The following RYR2 variants were observed in gnomAD, a reference collection of about 807,000 sequenced individuals.
The protein encoded by RYR2 is ryanodine receptor 2, also known as cardiac muscle ryanodine receptor-calcium release channel.
Under a neutral mutation model 601.1 loss-of-function variants are expected in RYR2, and 227 were observed. That is an observed-to-expected ratio of 0.38 (90% CI 0.34 to 0.42). The LOEUF is 0.42. Ranked by LOEUF, RYR2 falls within the 10% of genes least tolerant of loss-of-function variation. The pLI is 1.00. For synonymous variants in RYR2, 2,223 were observed against 2,175.1 expected (o/e 1.02, Z -0.61); for missense variants, 4,646 against 6,156.5 (o/e 0.75, Z 8.21).
intron 1 of RYR2, among the ~76,000 whole-genome samples, chr1:237,211,233 C>T (rs1682539778): frequency 6.6e-6 from 1 of 152,176 alleles, no homozygotes; most frequent in South Asian, 2.1e-4. Flanking sequence ...TCAAGTACAG[C>T]CCCATTCCAT....
intron 16 of RYR2, among the ~76,000 whole-genome samples, chr1:237,464,674 A>G (rs1274339938): frequency 9.2e-5 from 14 of 152,178 alleles, no homozygotes. Flanking sequence ...TAAAAAACAC[A>G]GTTTTCTCCA....
chr1:237,164,199 A>G (rs1352316374), intron 1 of RYR2, among the ~76,000 whole-genome samples: 3 of 152,216 alleles, frequency 2.0e-5, no homozygotes, highest in African/African-American at 7.2e-5. Context: ...AGGCGAGAGA[A>G]TCGCTTGAAA....
chr1:237,367,111 C>T lies in RYR2; in HGVS notation c.310-2423C>T, dbSNP rs553355959. On this transcript the variant is annotated intron_variant, in intron 5 of 104. Transcript: ENST00000366574. ...TTGTTTTTTTGTTTGTTTTTGTTTTCGAGATAGAATCTCGCTCTGTTGCCC... is the reference window on the plus strand; with the variant it reads ...TTGTTTTTTTGTTTGTTTTTGTTTTTGAGATAGAATCTCGCTCTGTTGCCC... Among the ~76,000 whole-genome samples the T allele has an allele frequency of 3.5e-3, 518 of 148,256 alleles. 3 individuals are homozygous for T. Among genetic ancestry groups the T allele is most frequent in the Non-Finnish European group, 5.6e-3 (376 of 66,736 alleles).
At chr1:237,145,222 TAAA>T (rs544342353) in intron 1 of RYR2, among the ~76,000 whole-genome samples, 1 of 139,234 alleles carries the variant, frequency 7.2e-6, no homozygotes, top group Non-Finnish European at 1.6e-5. Flanking sequence ...AGTATAATAA[TAAA>T]AAAAAAAAGA....
chr1:237,118,579 A>G (rs1407708648), intron 1 of RYR2, among the ~76,000 whole-genome samples: 1 of 151,682 alleles, frequency 6.6e-6, no homozygotes, highest in Non-Finnish European at 1.5e-5. Context: ...GAAAATAGGG[A>G]GTTATTGTTT....
chr1:237,429,702 A>G (rs1336088215), intron 12 of RYR2, among the ~76,000 whole-genome samples: 1 of 152,208 alleles, frequency 6.6e-6, no homozygotes, highest in African/African-American at 2.4e-5. Flanking sequence ...TGGAAATGCA[A>G]AAAGGGAAAA....
intron 1 of RYR2, among the ~76,000 whole-genome samples, chr1:237,265,335 T>G (rs1003339918): frequency 1.3e-5 from 2 of 152,080 alleles, no homozygotes; most frequent in Non-Finnish European, 2.9e-5. Flanking sequence ...TGTTTGTTTG[T>G]TTTTTGAGCG....
At chr1:237,211,297 T>G (rs1226031446) in intron 1 of RYR2, among the ~76,000 whole-genome samples, 1 of 152,206 alleles carries the variant, frequency 6.6e-6, no homozygotes, top group East Asian at 1.9e-4. Flanking sequence ...GATTTGACTA[T>G]ATGTGTACAA....
At chr1:237,319,206 A>G (rs1018711943) in intron 2 of RYR2, among the ~76,000 whole-genome samples, 1 of 151,900 alleles carries the variant, frequency 6.6e-6, no homozygotes, top group Non-Finnish European at 1.5e-5. Context: ...TTGTTTCCAT[A>G]CTTTAATTTT....
chr1:237,677,073 A>G (rs941825056), intron 60 of RYR2, among the ~76,000 whole-genome samples: 4 of 152,154 alleles, frequency 2.6e-5, no homozygotes, highest in Non-Finnish European at 5.9e-5. Context: ...GCATTCTGAT[A>G]TTGCAAAATA....
At chr1:237,392,679 A>G (rs1274136231) in intron 10 of RYR2, among the ~76,000 whole-genome samples, 3 of 152,288 alleles carry the variant, frequency 2.0e-5, no homozygotes, top group East Asian at 3.9e-4. Flanking sequence ...AGACTTATTT[A>G]TGGATTTGAT....
rs370627742 is a variant in RYR2, at chr1:237,235,427, G to C, written c.49-35070G>C. On this transcript the variant is annotated intron_variant, in intron 1 of 104. Coordinates refer to ENST00000366574, the MANE Select transcript of RYR2 (RefSeq NM_001035.3). Reference sequence around the variant, plus strand: ...CTTCTGATCTTGGCATTACCAATCAGCTTCTTTGTCTTGGTTAGTTTTATG... The same window carrying C: ...CTTCTGATCTTGGCATTACCAATCACCTTCTTTGTCTTGGTTAGTTTTATG... Among the ~76,000 whole-genome samples, 17 of 152,304 alleles carry C rather than the reference G, an allele frequency of 1.1e-4. No homozygotes were observed. In the East Asian group the frequency reaches 1.7e-3, roughly 16 times the overall value.
chr1:237,108,902 T>C (rs1669094048), intron 1 of RYR2, among the ~76,000 whole-genome samples: 1 of 152,184 alleles, frequency 6.6e-6, no homozygotes, highest in South Asian at 2.1e-4. Flanking sequence ...AGCAGCTGGG[T>C]GTGTGATTAG....
At chr1:237,114,665 T>A (rs1323798357) in intron 1 of RYR2, among the ~76,000 whole-genome samples, 2 of 152,128 alleles carry the variant, frequency 1.3e-5, no homozygotes, top group African/African-American at 4.8e-5. Flanking sequence ...AAATTTAATT[T>A]AGGAAAATAA....
chr1:237,056,461 A>G (rs1662084122), intron 1 of RYR2, among the ~76,000 whole-genome samples: 1 of 139,680 alleles, frequency 7.2e-6, no homozygotes, highest in East Asian at 2.2e-4. Context: ...GGACTGGAGC[A>G]CTGCACCTGT....
chr1:237,757,882 C>A, intron 82 of RYR2, 106 bp downstream of exon 82: 1 of 699,692 alleles, frequency 1.4e-6, no homozygotes, highest in Non-Finnish European at 2.4e-6. Flanking sequence ...CAATATGGCT[C>A]AATTTTAGTT....
At chr1:237,708,523 T>G (rs772781191) in intron 68 of RYR2, among the ~76,000 whole-genome samples, 1 of 152,234 alleles carries the variant, frequency 6.6e-6, no homozygotes, top group Non-Finnish European at 1.5e-5. Flanking sequence ...CTTGTCCCTA[T>G]TCTAAGGGTT....
At chr1:237,256,725 A>G (rs1272148765) in intron 1 of RYR2, among the ~76,000 whole-genome samples, 1 of 152,324 alleles carries the variant, frequency 6.6e-6, no homozygotes. Flanking sequence ...TCTTCCTAAA[A>G]TAGCCCAAAA....
intron 76 of RYR2, among the ~76,000 whole-genome samples, chr1:237,729,236 T>G (rs1690473406): frequency 6.6e-6 from 1 of 152,136 alleles, no homozygotes; most frequent in Non-Finnish European, 1.5e-5. Context: ...ACCTGGTGCT[T>G]TTAAGAAACA....
Sources: gnomAD v4.1 joint callset for allele counts (sites outside exome capture counted in the v4.1 genomes callset) on GRCh38, gnomAD v4.1.1 for gene constraint, MANE v1.5 for transcripts, NCBI Gene and HGNC (gene_info 2026-07-23, HGNC 2026-07-21) for gene names.